The following ADAM19 variants were observed in gnomAD, a reference collection of about 807,000 sequenced individuals.
ADAM19 encodes disintegrin and metalloproteinase domain-containing protein 19.
ADAM19 carries 65 observed loss-of-function variants against 114.7 expected under a neutral mutation model. The ratio of observed to expected loss-of-function variants is 0.57; its 90% confidence interval spans 0.46 to 0.70. The LOEUF is 0.70. ADAM19 is among the 30% of genes least tolerant of loss of function. The pLI, the probability that ADAM19 is intolerant of heterozygous loss-of-function variation, is 0.00. For synonymous variants in ADAM19, 466 were observed against 460.5 expected, an observed-to-expected ratio of 1.01 and a Z score of -0.15; for missense variants, 1,063 against 1,204.7, an observed-to-expected ratio of 0.88 and a Z score of 1.74.
At chr5:157,517,047 C>T (rs780042735) in intron 7 of ADAM19, among the ~76,000 whole-genome samples, 10 of 152,146 alleles carry the variant, frequency 6.6e-5, no homozygotes, top group Non-Finnish European at 1.5e-4. Context: ...TCCCTCGGCC[C>T]GGAATGCCCT....
intron 11 of ADAM19, 37 bp from the exon 12 acceptor site, chr5:157,503,017 G>T: frequency 1.3e-6 from 2 of 1,594,460 alleles, no homozygotes; most frequent in South Asian, 2.2e-5. Context: ...TGGGGAGTTT[G>T]AGCATCTAGC....
intron 1 of ADAM19, among the ~76,000 whole-genome samples, chr5:157,574,219 T>G (rs1024537730): frequency 6.6e-6 from 1 of 152,128 alleles, no homozygotes; most frequent in Non-Finnish European, 1.5e-5. Flanking sequence ...TGCAGATCAT[T>G]TTCTTTTACA....
intron 2 of ADAM19, among the ~76,000 whole-genome samples, chr5:157,569,437 T>TTTTTTG (rs1183071500): frequency 6.9e-6 from 1 of 145,976 alleles, no homozygotes; most frequent in African/African-American, 2.6e-5. Flanking sequence ...TTTTTTTTTT[T>TTTTTTG]TGTAGAGATA....
At chr5:157,544,078 C>T (rs1344860910) in intron 3 of ADAM19, among the ~76,000 whole-genome samples, 1 of 152,134 alleles carries the variant, frequency 6.6e-6, no homozygotes, top group East Asian at 1.9e-4. Context: ...CTGATGAGTC[C>T]AGGGGGCTGC....
At chr5:157,492,288 T>A (rs889465800) in intron 16 of ADAM19, among the ~76,000 whole-genome samples, 1 of 152,066 alleles carries the variant, frequency 6.6e-6, no homozygotes, top group African/African-American at 2.4e-5. Flanking sequence ...CAAGACTCCA[T>A]CTTAAAAGAA....
At position 157,479,014 on chromosome 5, in the gene ADAM19, C is replaced by T. The variant is rs1754672941; in HGVS notation, c.*1935G>A. On this transcript the variant is annotated 3_prime_UTR_variant, in exon 23 of 23. Transcript: ENST00000257527. ...GCAGAGGGGTGAAAGGGGATGTTTT[C>T]ACCTTTACTTTCCAGGAACCAAGCC... 6 of 985,560 alleles carry T rather than the reference C, an allele frequency of 6.1e-6. No individual in the cohort carries two copies. Among genetic ancestry groups the T allele is most frequent in the Non-Finnish European group, 7.2e-6 (6 of 829,948 alleles). 61.1% of individuals were successfully genotyped at this position (985,560 alleles called of 1,614,324 possible).
intron 3 of ADAM19, among the ~76,000 whole-genome samples, chr5:157,538,691 T>C (rs1031559648): frequency 6.6e-6 from 1 of 152,202 alleles, no homozygotes; most frequent in African/African-American, 2.4e-5. Context: ...AACTTGGACA[T>C]TGGTTTCTCT....
At chr5:157,562,097 C>T (rs989857094) in intron 3 of ADAM19, among the ~76,000 whole-genome samples, 10 of 152,128 alleles carry the variant, frequency 6.6e-5, no homozygotes, top group African/African-American at 2.4e-4. Context: ...TGTTTTGAAT[C>T]CGGACTCGCA....
At chr5:157,505,615 C>G in intron 11 of ADAM19, 54 bp downstream of exon 11, 1 of 1,568,804 alleles carries the variant, frequency 6.4e-7, no homozygotes, top group Non-Finnish European at 8.7e-7. Context: ...CTGGGTCACA[C>G]TGTCCAGGTG....
chr5:157,491,058 T>C (rs1342166636), intron 18 of ADAM19, among the ~76,000 whole-genome samples: 1 of 152,206 alleles, frequency 6.6e-6, no homozygotes, highest in Admixed American at 6.5e-5. Context: ...AAAACACTAC[T>C]TTTTATCAGT....
chr5:157,499,766 ACT>A, intron 12 of ADAM19, 104 bp from the exon 13 acceptor site: 3 of 653,994 alleles, frequency 4.6e-6, no homozygotes, highest in Non-Finnish European at 7.7e-6. Context: ...CTCTCTAGCA[ACT>A]ATCTCTTTTT....
intron 3 of ADAM19, among the ~76,000 whole-genome samples, chr5:157,563,728 T>C (rs773311733): frequency 3.9e-5 from 6 of 152,176 alleles, no homozygotes; most frequent in Non-Finnish European, 8.8e-5. Flanking sequence ...GACATAGCCA[T>C]GCATCGTGCC....
intron 17 of ADAM19, 41 bp from the exon 18 acceptor site, chr5:157,491,764 G>A: frequency 1.2e-6 from 2 of 1,611,390 alleles, no homozygotes; most frequent in Non-Finnish European, 1.7e-6. Context: ...ACCCCAGAGA[G>A]CATCAGCCAC....
Position 157,477,845 on chromosome 5 carries a change from T to G in ADAM19, c.*3104A>C. 1.6e-6 allele frequency: 1 copy of G among 635,780 alleles called. No individual in the cohort carries two copies. Among genetic ancestry groups the G allele is most frequent in the Non-Finnish European group, 2.4e-6 (1 of 413,700 alleles). 39.4% of individuals were successfully genotyped at this position (635,780 alleles called of 1,614,324 possible). On this transcript the variant is annotated 3_prime_UTR_variant, in exon 23 of 23. Transcript: ENST00000257527. Reference sequence around the variant, plus strand: ...GGCTATTGCTTCAGGGGGAAGGGACTATGGCAATACAAAAAAACACTCCAA... The same window carrying G: ...GGCTATTGCTTCAGGGGGAAGGGACGATGGCAATACAAAAAAACACTCCAA...
At chr5:157,503,827 G>A (rs993198593) in intron 11 of ADAM19, among the ~76,000 whole-genome samples, 2 of 152,210 alleles carry the variant, frequency 1.3e-5, no homozygotes, top group Admixed American at 1.3e-4. Context: ...TTCTAAGGAT[G>A]CAGAGGGCAT....
intron 12 of ADAM19, among the ~76,000 whole-genome samples, chr5:157,502,529 T>C (rs1755599112): frequency 6.6e-6 from 1 of 151,944 alleles, no homozygotes; most frequent in Non-Finnish European, 1.5e-5. Context: ...GAAGACAGAG[T>C]CAACATGCCA....
At chr5:157,560,640 C>T (rs1417837766) in intron 3 of ADAM19, among the ~76,000 whole-genome samples, 5 of 152,314 alleles carry the variant, frequency 3.3e-5, no homozygotes, top group South Asian at 2.1e-4. Context: ...TCTGCTCCTC[C>T]CTCCCCAACA....
In ADAM19 at chr5:157,490,413, C is replaced by G; in HGVS notation, c.2137G>C (p.Val713Leu). 1 of 1,614,110 alleles carries G rather than the reference C, an allele frequency of 6.2e-7. No homozygotes were observed. The highest frequency in any genetic ancestry group is 8.5e-7 in the Non-Finnish European group (1 of 1,180,030). Residue 713 changes from valine to leucine, a missense_variant, in exon 19 of 23, where the codon GTG becomes CTG. Physicochemically the swap from Val to Leu is conservative, Grantham distance 32. Coordinates refer to ENST00000257527, the MANE Select transcript of ADAM19 (RefSeq NM_033274.5). ...TACATCAGCATGAGGACCGCCAGCACCAAGATGGCCACCAACACTCCAGCT... is the reference window on the plus strand; with the variant it reads ...TACATCAGCATGAGGACCGCCAGCAGCAAGATGGCCACCAACACTCCAGCT... ...VVAGVLVAIL[V>L]LAVLMLMYYC...
intron 15 of ADAM19, 141 bp from the exon 16 acceptor site, chr5:157,493,318 T>C (rs1581295557): frequency 7.5e-6 from 6 of 796,370 alleles, no homozygotes; most frequent in South Asian, 3.5e-5. Context: ...TCATGTGCTT[T>C]GGAACCCACC....
Sources: allele counts gnomAD v4.1 joint callset (sites outside exome capture counted in the v4.1 genomes callset), GRCh38; gene constraint gnomAD v4.1.1; transcripts MANE v1.5; gene names NCBI Gene and HGNC (gene_info 2026-07-23, HGNC 2026-07-21).